Variants in STPG4 observed in about 807,000 individuals in gnomAD.
The protein encoded by STPG4 is protein STPG4.
In STPG4, 41 loss-of-function variants were observed where a neutral mutation model predicts 31.5. The observed-to-expected ratio is 1.30, with a 90% CI of 1.01 to 1.69. The LOEUF (loss-of-function observed/expected upper bound fraction) is 1.69. Among genes scored for constraint, STPG4 ranks in the 40% most tolerant of loss-of-function variants. The pLI is 0.00. For synonymous variants in STPG4, 141 were observed against 103.0 expected (o/e 1.37, Z -2.24); for missense variants, 375 against 293.4 (o/e 1.28, Z -2.03).
chr2:47,123,434 T>A (rs1336291134), intron 5 of STPG4, among the ~76,000 whole-genome samples: 1 of 152,182 alleles, frequency 6.6e-6, no homozygotes, highest in African/African-American at 2.4e-5. Context: ...CCTGCCTTCA[T>A]AAGCTTACGT....
chr2:47,143,483 T>C (rs1686757815), intron 3 of STPG4, among the ~76,000 whole-genome samples: 1 of 151,952 alleles, frequency 6.6e-6, no homozygotes, highest in Non-Finnish European at 1.5e-5. Context: ...TCATGCCCTT[T>C]GCTCATTTTT....
intron 3 of STPG4, 133 bp from the exon 4 acceptor site, chr2:47,130,393 AG>A (rs1432289211): frequency 4.3e-6 from 3 of 705,082 alleles, no homozygotes; most frequent in Non-Finnish European, 4.8e-6. Context: ...ATAGTGGAAA[AG>A]GAAAATGTAC....
At chr2:47,089,104 C>T (rs954240128) in intron 6 of STPG4, among the ~76,000 whole-genome samples, 11 of 152,200 alleles carry the variant, frequency 7.2e-5, no homozygotes, top group South Asian at 2.1e-4. Context: ...CCAGTCACCA[C>T]GCCCGTATGG....
At chr2:47,143,894 A>G (rs1371942817) in intron 3 of STPG4, among the ~76,000 whole-genome samples, 1 of 152,188 alleles carries the variant, frequency 6.6e-6, no homozygotes, top group Non-Finnish European at 1.5e-5. Flanking sequence ...AGTGATCAGC[A>G]CTTTCTGGAA....
intron 5 of STPG4, among the ~76,000 whole-genome samples, chr2:47,117,838 G>A (rs1270528352): frequency 6.6e-6 from 1 of 152,096 alleles, no homozygotes; most frequent in Non-Finnish European, 1.5e-5. Context: ...TACTGCAAAG[G>A]GGTCAAGTGG....
intron 5 of STPG4, among the ~76,000 whole-genome samples, chr2:47,127,645 T>A (rs1686391994): frequency 6.6e-6 from 1 of 152,216 alleles, no homozygotes; most frequent in South Asian, 2.1e-4. Flanking sequence ...GCATGTCAAT[T>A]GAATTTTTCA....
rs778556840 is a variant in STPG4, at chr2:47,155,169, A to G, written c.81+2T>C. The G allele has an allele frequency of 6.2e-7, 1 of 1,614,012 alleles. No individual in the cohort carries two copies. The highest frequency in any genetic ancestry group is 2.2e-5 in the East Asian group (1 of 44,854). On this transcript the variant is annotated splice_donor_variant, in intron 1 of 6. Coordinates refer to ENST00000445927, the MANE Select transcript of STPG4 (RefSeq NM_001163561.2). LOFTEE classifies it high-confidence loss of function. ...AGGCCGGCAAGGGGCAGGCCATCTT[A>G]CCGAAGCTGTGATGAATGATTCTCC... is the stretch of plus-strand genomic sequence containing the variant.
At chr2:47,134,565 C>T (rs1242066281) in intron 3 of STPG4, among the ~76,000 whole-genome samples, 1 of 152,146 alleles carries the variant, frequency 6.6e-6, no homozygotes, top group African/African-American at 2.4e-5. Context: ...AATAATATTC[C>T]ATTGTCTGGA....
At chr2:47,140,009 T>G (rs534147529) in intron 3 of STPG4, among the ~76,000 whole-genome samples, 1 of 152,094 alleles carries the variant, frequency 6.6e-6, no homozygotes, top group South Asian at 2.1e-4. Flanking sequence ...CTCCTGACCC[T>G]GTGATCCGCC....
At chr2:47,117,933 T>A (rs868288955) in intron 5 of STPG4, among the ~76,000 whole-genome samples, 11 of 122,356 alleles carry the variant, frequency 9.0e-5, no homozygotes, top group Middle Eastern at 3.7e-3. Flanking sequence ...TATATATATT[T>A]TTTTTTTAAT....
intron 3 of STPG4, among the ~76,000 whole-genome samples, chr2:47,147,287 C>T (rs777320246): frequency 5.9e-5 from 9 of 152,118 alleles, no homozygotes; most frequent in Non-Finnish European, 1.3e-4. Flanking sequence ...CAAAGAGAGA[C>T]GTACCCAGGG....
chr2:47,154,440 A>C (rs916098096), intron 1 of STPG4, among the ~76,000 whole-genome samples: 1 of 152,246 alleles, frequency 6.6e-6, no homozygotes, highest in African/African-American at 2.4e-5. Flanking sequence ...ATCTAATGGA[A>C]GACAATTGGC....
At chr2:47,130,336 T>G (rs1686452452) in intron 3 of STPG4, 76 bp from the exon 4 acceptor site, 1 of 1,158,186 alleles carries the variant, frequency 8.6e-7, no homozygotes, top group South Asian at 1.3e-5. Context: ...ATTCGTAATC[T>G]TTTATTTTAT....
At chr2:47,093,963 T>C (rs1364647781) in intron 5 of STPG4, among the ~76,000 whole-genome samples, 1 of 152,154 alleles carries the variant, frequency 6.6e-6, no homozygotes, top group African/African-American at 2.4e-5. Context: ...ACGGCTTGAG[T>C]GGACAGATGG....
intron 5 of STPG4, among the ~76,000 whole-genome samples, chr2:47,120,194 G>T (rs1040825153): frequency 1.3e-5 from 2 of 152,138 alleles, no homozygotes; most frequent in Non-Finnish European, 2.9e-5. Context: ...AGCTGGGCGT[G>T]GTGGCCCACA....
rs1573199564 is a variant in STPG4, at chr2:47,147,296, G to A, written c.399+3962C>T. 2.6e-5 allele frequency among the ~76,000 whole-genome samples: 4 copies of A among 152,176 alleles called. No homozygotes were observed. The East Asian group carries it at 7.7e-4, about 29-fold the overall frequency. ...TTAATACAAAGAGAGACGTACCCAG[G>A]GTTGTGGCTTTGCCAAACAAGTAAA... On this transcript the variant is annotated intron_variant, in intron 3 of 6. Coordinates refer to ENST00000445927, the MANE Select transcript of STPG4 (RefSeq NM_001163561.2).
intron 5 of STPG4, chr2:47,129,077 G>A (rs895237026): frequency 2.0e-5 from 3 of 152,312 alleles, no homozygotes; most frequent in Admixed American, 6.5e-5. Flanking sequence ...AATGTTGTCT[G>A]GGAGCTAGGG....
chr2:47,112,686 T>C (rs1021491359), intron 5 of STPG4, among the ~76,000 whole-genome samples: 1 of 152,216 alleles, frequency 6.6e-6, no homozygotes, highest in Non-Finnish European at 1.5e-5. Flanking sequence ...GTTTCACATA[T>C]ATCAACATTG....
intron 3 of STPG4, among the ~76,000 whole-genome samples, chr2:47,143,959 C>T (rs1259988956): frequency 6.6e-6 from 1 of 152,118 alleles, no homozygotes; most frequent in African/African-American, 2.4e-5. Context: ...ATTGACTGAC[C>T]TTGTTCAGTA....
Sources: allele counts gnomAD v4.1 joint callset (sites outside exome capture counted in the v4.1 genomes callset), GRCh38; gene constraint gnomAD v4.1.1; transcripts MANE v1.5; gene names NCBI Gene and HGNC (gene_info 2026-07-23, HGNC 2026-07-21).